Variants in CD72 observed in about 807,000 individuals in gnomAD.
The protein encoded by CD72 is CD72 molecule, also known as B-cell differentiation antigen CD72.
Under a neutral mutation model 50.7 loss-of-function variants are expected in CD72, and 28 were observed. The ratio of observed to expected loss-of-function variants is 0.55; its 90% CI spans 0.41 to 0.76. The LOEUF is 0.76. Among genes scored for constraint, CD72 ranks in the 30% least tolerant of loss-of-function variants. CD72 has a pLI of 0.00. For synonymous variants in CD72, 176 were observed against 171.2 expected, an observed-to-expected ratio of 1.03 and a Z score of -0.22; for missense variants, 403 against 420.6, an observed-to-expected ratio of 0.96 and a Z score of 0.37.
At position 35,616,059 on chromosome 9, in the gene CD72, T is replaced by C. The variant is rs770655427; in HGVS notation, c.572A>G (p.Asp191Gly). 14 of 1,614,062 alleles carry C rather than the reference T, an allele frequency of 8.7e-6. No individual in the cohort carries two copies. The South Asian group carries it at 1.3e-4, about 15-fold the overall frequency. The change falls in exon 5 of 9, where the codon GAC becomes GGC. Residue 191 changes from aspartate to glycine, a missense_variant. Transcript: ENST00000259633. ...AEGQLQACQA[D>G]RQKTKETLQS... The stretch of plus-strand genomic sequence containing the variant: ...CAAGGTCTCCTTCGTCTTCTGTCTG[T>C]CTGCCTGGCAGGCCTGTAGCTGCCC...
chr9:35,644,957 T>C (rs1364249985), intron 1 of CD72, among the ~76,000 whole-genome samples: 1 of 145,040 alleles, frequency 6.9e-6, no homozygotes, highest in Non-Finnish European at 1.5e-5. Flanking sequence ...ATCCCAGCAC[T>C]TTGGGAGGCC....
chr9:35,622,388 G>GT (rs1464426765), upstream of CD72, among the ~76,000 whole-genome samples: 1 of 152,156 alleles, frequency 6.6e-6, no homozygotes, highest in Non-Finnish European at 1.5e-5. Context: ...CACGTTCTCT[G>GT]TGCTTAATGG....
chr9:35,615,802 G>T, intron 5 of CD72, 141 bp downstream of exon 5: 1 of 666,124 alleles, frequency 1.5e-6, no homozygotes, highest in Non-Finnish European at 2.5e-6. Context: ...GGCCAAGGCT[G>T]AACAGCTCAT....
At chr9:35,627,237 G>A (rs1216109669) in intron 1 of CD72, among the ~76,000 whole-genome samples, 3 of 151,124 alleles carry the variant, frequency 2.0e-5, no homozygotes, top group African/African-American at 7.3e-5. Flanking sequence ...CGATTCTCCT[G>A]TCTCACCCTT....
At chr9:35,628,703 T>C (rs1389045682) in intron 1 of CD72, among the ~76,000 whole-genome samples, 1 of 152,120 alleles carries the variant, frequency 6.6e-6, no homozygotes, top group African/African-American at 2.4e-5. Context: ...TGCCTCCCCC[T>C]GTAAAGCAGC....
At chr9:35,617,981 C>G in intron 2 of CD72, 33 bp downstream of exon 2, 3 of 1,287,280 alleles carry the variant, frequency 2.3e-6, no homozygotes, top group Non-Finnish European at 1.1e-6. Flanking sequence ...ACACAGCCCC[C>G]CAACAAACAC....
At chr9:35,614,005 C>T (rs542629563) in intron 5 of CD72, among the ~76,000 whole-genome samples, 2 of 149,532 alleles carry the variant, frequency 1.3e-5, no homozygotes, top group African/African-American at 2.5e-5. Flanking sequence ...TCTCACAGAG[C>T]GAGACTCCGC....
chr9:35,614,901 T>A (rs1823043302), intron 5 of CD72, among the ~76,000 whole-genome samples: 1 of 149,820 alleles, frequency 6.7e-6, no homozygotes, highest in African/African-American at 2.5e-5. Flanking sequence ...GGGAGAGAAG[T>A]GTGGACAGGA....
upstream of CD72, among the ~76,000 whole-genome samples, chr9:35,623,977 C>T (rs1328027569): frequency 6.6e-6 from 1 of 151,708 alleles, no homozygotes; most frequent in African/African-American, 2.4e-5. Context: ...CGCCTGTAAT[C>T]CCAGCACTTT....
At chr9:35,618,771 G>A (rs1823108648), upstream of CD72, 2 of 1,288,080 alleles carry the variant, frequency 1.6e-6, no homozygotes, top group African/African-American at 3.0e-5. Flanking sequence ...CCAGGGTGAG[G>A]CTCCGTTCTC....
rs1823063086 is a variant in CD72, at chr9:35,616,251, T to G, written c.380A>C (p.Gln127Pro). The change falls in exon 5 of 9, where the codon CAG becomes CCG. Residue 127 changes from glutamine (Q) to proline (P), a missense_variant. Transcript: ENST00000259633. The part of the protein sequence containing the change: ...RYLQVSQQLQ[Q>P]TNRVLEVTNS... Reference sequence around the variant, plus strand: ...AGTGACTTCCAGAACCCTGTTCGTCTGCTGGAGCTGCTGAGACACCTGCAG... The same window carrying G: ...AGTGACTTCCAGAACCCTGTTCGTCGGCTGGAGCTGCTGAGACACCTGCAG... 6.2e-7 allele frequency: 1 copy of G among 1,613,918 alleles called. No individual in the cohort carries two copies. Among genetic ancestry groups the G allele is most frequent in the Non-Finnish European group, 8.5e-7 (1 of 1,179,908 alleles).
rs768450056 is a variant in CD72, at chr9:35,610,021, C to T, written c.*302G>A. 8 of 398,066 alleles carry T rather than the reference C, an allele frequency of 2.0e-5. No individual in the cohort carries two copies. Among genetic ancestry groups the T allele is most frequent in the East Asian group, 4.4e-5 (1 of 22,764 alleles). 24.7% of individuals were successfully genotyped at this position (398,066 alleles called of 1,614,324 possible). ...TTCAATAAAACTGCCTGGCTGGCTC[C>T]GGGCCGCCCCTATCCGCTCAGCCCG... On this transcript the variant is annotated 3_prime_UTR_variant, in exon 9 of 9. Transcript: ENST00000259633.
In CD72 at chr9:35,611,830, C is replaced by T. The variant is rs565714460; in HGVS notation, c.924G>A (p.Lys308=). 7.5e-6 allele frequency: 12 copies of T among 1,609,472 alleles called. No homozygotes were observed. Among genetic ancestry groups the T allele is most frequent in the Non-Finnish European group, 1.0e-5 (12 of 1,175,666 alleles). Residue 308 remains lysine, a synonymous_variant, in exon 7 of 9, where the codon AAG becomes AAA. Transcript: ENST00000259633. ...TAGTGCGTTGTGTATCATCAGTCAACTTCCAATCCTTGTTAGAGCTGAGGC... is the reference window on the plus strand; with the variant it reads ...TAGTGCGTTGTGTATCATCAGTCAATTTCCAATCCTTGTTAGAGCTGAGGC... ...WTGLSSNKDW[K]LTDDTQRTRT... is the part of the protein sequence containing the mutation.
intron 3 of CD72, 96 bp from the exon 4 acceptor site, chr9:35,616,785 A>G (rs1823071333): frequency 8.7e-7 from 1 of 1,150,604 alleles, no homozygotes. Flanking sequence ...TGGGGAAGGC[A>G]TCCCTAAGAG....
chr9:35,615,993 A>C lies in CD72; in HGVS notation c.638T>G (p.Leu213Arg). 1 of 1,613,960 alleles carries C rather than the reference A, an allele frequency of 6.2e-7. No homozygotes were observed. Among genetic ancestry groups the C allele is most frequent in the East Asian group, 2.2e-5 (1 of 44,872 alleles). The change falls in exon 5 of 9, where the codon CTG becomes CGG. Residue 213 changes from leucine to arginine, a missense_variant. By Grantham distance (102) the Leu-to-Arg change is moderately radical. Transcript: ENST00000259633. ...CTTCAGTCTGTTCTCCATGTTGCTC[A>C]GCTTCTGCTCCAAGGCCCTCCTCTG... is the stretch of plus-strand genomic sequence containing the variant. The part of the protein sequence containing the change: ...EQQRRALEQK[L>R]SNMENRLKPF...
chr9:35,614,633 G>A (rs956667710), intron 5 of CD72, among the ~76,000 whole-genome samples: 3 of 152,304 alleles, frequency 2.0e-5, no homozygotes. Context: ...ACACCTTGAT[G>A]CTGACCATGG....
intron 1 of CD72, among the ~76,000 whole-genome samples, chr9:35,627,157 G>A (rs1257085032): frequency 7.0e-6 from 1 of 143,610 alleles, no homozygotes; most frequent in Non-Finnish European, 1.5e-5. Context: ...TTTTGAGATG[G>A]AGTCTCACTC....
chr9:35,624,799 C>G (rs1288356869), intron 1 of CD72, among the ~76,000 whole-genome samples: 2 of 152,140 alleles, frequency 1.3e-5, no homozygotes, highest in African/African-American at 4.8e-5. Context: ...ATATTTCAAA[C>G]TTTTTTCATT....
chr9:35,636,014 A>G (rs986883866), intron 1 of CD72, among the ~76,000 whole-genome samples: 1 of 152,198 alleles, frequency 6.6e-6, no homozygotes, highest in Non-Finnish European at 1.5e-5. Context: ...TCTGGGAACT[A>G]TGACTGGGAG....
Sources: allele counts gnomAD v4.1 joint callset (sites outside exome capture counted in the v4.1 genomes callset), GRCh38; gene constraint gnomAD v4.1.1; transcripts MANE v1.5; gene names NCBI Gene and HGNC (gene_info 2026-07-23, HGNC 2026-07-21).